Variants in ARHGAP24 observed in about 807,000 individuals in gnomAD.
ARHGAP24 encodes rho GTPase-activating protein 24.
In ARHGAP24, 50 loss-of-function variants were observed where a neutral mutation model predicts 76.4. That is an observed-to-expected ratio of 0.65 (90% CI 0.52 to 0.83). The LOEUF (loss-of-function observed/expected upper bound fraction) is 0.83. Among genes scored for constraint, ARHGAP24 ranks in the 40% least tolerant of loss-of-function variants. The probability of loss-of-function intolerance (pLI) is 0.00; values close to 1 mark genes in which losing one functional copy is unlikely to be tolerated. For missense variants in ARHGAP24, 930 were observed against 914.2 expected (o/e 1.02, Z -0.22); for synonymous variants, 345 against 323.3 (o/e 1.07, Z -0.72).
chr4:85,709,368 T>A (rs1289478616), intron 2 of ARHGAP24, among the ~76,000 whole-genome samples: 7 of 152,184 alleles, frequency 4.6e-5, no homozygotes, highest in African/African-American at 1.7e-4. Flanking sequence ...CATATGATTA[T>A]CTCCACAGAT....
intron 2 of ARHGAP24, among the ~76,000 whole-genome samples, chr4:85,572,899 T>TG (rs750303982): frequency 1.0e-3 from 147 of 144,294 alleles, no homozygotes; most frequent in Non-Finnish European, 1.7e-3. Context: ...TTTTTTGAGA[T>TG]GGAGTCTCAC....
chr4:85,725,116 G>C (rs1324045800), intron 3 of ARHGAP24, among the ~76,000 whole-genome samples: 1 of 151,704 alleles, frequency 6.6e-6, no homozygotes, highest in Non-Finnish European at 1.5e-5. Flanking sequence ...TGATGCCTTA[G>C]CTTTCTTAGG....
At chr4:85,738,080 C>T (rs182999069) in intron 3 of ARHGAP24, among the ~76,000 whole-genome samples, 8 of 151,996 alleles carry the variant, frequency 5.3e-5, no homozygotes, top group African/African-American at 1.9e-4. Flanking sequence ...ACCACCATGC[C>T]CAGCTAATTT....
At chr4:85,698,234 A>T (rs1414878449) in intron 2 of ARHGAP24, among the ~76,000 whole-genome samples, 1 of 152,162 alleles carries the variant, frequency 6.6e-6, no homozygotes, top group East Asian at 1.9e-4. Context: ...GAGCAGCTTC[A>T]TTTTTAGTCA....
chr4:85,702,181 G>A (rs1724116549), intron 2 of ARHGAP24, among the ~76,000 whole-genome samples: 1 of 152,000 alleles, frequency 6.6e-6, no homozygotes, highest in Non-Finnish European at 1.5e-5. Flanking sequence ...TATGACTCTA[G>A]CATATGTAAA....
intron 3 of ARHGAP24, among the ~76,000 whole-genome samples, chr4:85,900,765 C>T (rs1301148663): frequency 6.6e-6 from 1 of 152,138 alleles, no homozygotes; most frequent in East Asian, 1.9e-4. Context: ...AAGGGATTCT[C>T]CTGGAAATCA....
chr4:85,542,061 C>G (rs1286213652), intron 1 of ARHGAP24, among the ~76,000 whole-genome samples: 4 of 152,168 alleles, frequency 2.6e-5, no homozygotes, highest in African/African-American at 9.7e-5. Context: ...CTATAAGCAT[C>G]TTAAAACCTT....
intron 2 of ARHGAP24, among the ~76,000 whole-genome samples, chr4:85,617,037 A>G (rs1011179019): frequency 6.7e-6 from 1 of 149,122 alleles, no homozygotes; most frequent in African/African-American, 2.4e-5. Flanking sequence ...GTTTTCATGT[A>G]TCTATATATT....
intron 2 of ARHGAP24, among the ~76,000 whole-genome samples, chr4:85,655,766 CATATATATATATATATATATATAT>C (rs370571889): frequency 1.4e-5 from 1 of 69,048 alleles, no homozygotes; most frequent in African/African-American, 1.0e-4. Context: ...AGTGAGACTC[CATATATATATATATATATATATAT>C]ATAGAGAGAG....
chr4:85,564,531 T>TA (rs1726748055), intron 1 of ARHGAP24, among the ~76,000 whole-genome samples: 1 of 151,210 alleles, frequency 6.6e-6, no homozygotes, highest in Middle Eastern at 3.4e-3. Context: ...TCCTAGAACT[T>TA]AAAGTATAAT....
At chr4:85,592,035 C>T (rs1251179902) in intron 2 of ARHGAP24, among the ~76,000 whole-genome samples, 1 of 152,140 alleles carries the variant, frequency 6.6e-6, no homozygotes, top group Non-Finnish European at 1.5e-5. Flanking sequence ...TAATCTGACC[C>T]GTGACCTTGG....
At chr4:85,790,701 A>G (rs1340871068) in intron 3 of ARHGAP24, among the ~76,000 whole-genome samples, 1 of 152,198 alleles carries the variant, frequency 6.6e-6, no homozygotes, top group African/African-American at 2.4e-5. Context: ...TAGTCATCAC[A>G]TATGGGAAAG....
chr4:85,581,348 G>A (rs1239033762), intron 2 of ARHGAP24, among the ~76,000 whole-genome samples: 1 of 152,036 alleles, frequency 6.6e-6, no homozygotes, highest in East Asian at 1.9e-4. Flanking sequence ...TCATCTTTGT[G>A]AACCTGAATT....
intron 1 of ARHGAP24, among the ~76,000 whole-genome samples, chr4:85,506,527 C>T (rs1724055457): frequency 6.6e-6 from 1 of 152,180 alleles, no homozygotes. Context: ...GAGCAAGGCT[C>T]TGTGGGCATG....
At chr4:85,960,374 A>G (rs970575523) in intron 5 of ARHGAP24, among the ~76,000 whole-genome samples, 3 of 152,166 alleles carry the variant, frequency 2.0e-5, no homozygotes, top group Non-Finnish European at 2.9e-5. Context: ...GTTGAGATAA[A>G]TGTCTGTGAT....
intron 3 of ARHGAP24, among the ~76,000 whole-genome samples, chr4:85,798,590 G>C (rs1177969503): frequency 2.0e-5 from 3 of 152,188 alleles, no homozygotes; most frequent in Admixed American, 1.3e-4. Context: ...TAATAGTATT[G>C]TGCAAGTGTG....
At chr4:85,815,614 A>G (rs1217735555) in intron 3 of ARHGAP24, among the ~76,000 whole-genome samples, 1 of 152,186 alleles carries the variant, frequency 6.6e-6, no homozygotes, top group Non-Finnish European at 1.5e-5. Flanking sequence ...CATTGTCCAT[A>G]TGGCTATCAG....
intron 3 of ARHGAP24, 76 bp downstream of exon 3, chr4:85,722,048 C>T: frequency 7.4e-7 from 1 of 1,356,894 alleles, no homozygotes; most frequent in Non-Finnish European, 1.0e-6. Context: ...AGACAGGTTT[C>T]ATTCTTTTTT....
At chr4:85,885,970 T>A (rs895666618) in intron 3 of ARHGAP24, among the ~76,000 whole-genome samples, 5 of 152,188 alleles carry the variant, frequency 3.3e-5, no homozygotes, top group Non-Finnish European at 7.4e-5. Context: ...TCAATTTCCT[T>A]GTTGCACCTG....
Sources: gnomAD v4.1 joint callset for allele counts (sites outside exome capture counted in the v4.1 genomes callset) on GRCh38, gnomAD v4.1.1 for gene constraint, MANE v1.5 for transcripts, NCBI Gene and HGNC (gene_info 2026-07-23, HGNC 2026-07-21) for gene names.